Variants in TUSC3 observed in about 807,000 individuals in gnomAD.
TUSC3 encodes dolichyl-diphosphooligosaccharide--protein glycosyltransferase subunit TUSC3.
In TUSC3, 45 loss-of-function variants were observed where a neutral mutation model predicts 44.8. The observed-to-expected ratio is 1.00, with a 90% CI of 0.79 to 1.29. TUSC3 has a LOEUF of 1.29. Ranked by LOEUF, TUSC3 falls within the 50% of genes most tolerant of loss-of-function variation. The pLI, the probability that TUSC3 is intolerant of heterozygous loss-of-function variation, is 0.00. For missense variants in TUSC3, 519 were observed against 437.9 expected (o/e 1.19, Z -1.65); for synonymous variants, 212 against 152.9 (o/e 1.39, Z -2.85).
chr8:15,546,710 T>G lies in TUSC3; in HGVS notation c.138+6142T>G, dbSNP rs1166452730. On this transcript the variant is annotated intron_variant, in intron 1 of 10. Transcript: ENST00000503731. ...GCCACCATGCCTGGCTAATTTCGTA[T>G]TTTTAGTAGAGACAGGGTTTCTCCA... is the stretch of plus-strand genomic sequence containing the variant. Among the ~76,000 whole-genome samples the G allele has an allele frequency of 5.9e-5, 9 of 151,452 alleles. 1 individual carries two copies.
At chr8:15,772,603 A>G in the TUSC3 span, among the ~76,000 whole-genome samples, 18 of 152,196 alleles carry the variant, frequency 1.2e-4, no homozygotes, top group Non-Finnish European at 1.5e-5. Context: ...AATGAACACA[A>G]TCTTTCTCAA....
At chr8:15,799,639 T>C in the TUSC3 span, among the ~76,000 whole-genome samples, 28 of 152,188 alleles carry the variant, frequency 1.8e-4, no homozygotes, top group Admixed American at 1.8e-3. Flanking sequence ...TTACTACCTA[T>C]TCCCATGGAC....
chr8:15,518,050 G>A (rs909117097), intron 2 of TUSC3, among the ~76,000 whole-genome samples: 6 of 151,200 alleles, frequency 4.0e-5, no homozygotes, highest in Admixed American at 4.0e-4. Context: ...GCCAGCCTCC[G>A]GTAACCAACT....
At chr8:15,530,588 A>G (rs1801436567) in intron 2 of TUSC3, among the ~76,000 whole-genome samples, 2 of 152,226 alleles carry the variant, frequency 1.3e-5, no homozygotes, top group Admixed American at 1.3e-4. Flanking sequence ...TCCAGGGCTC[A>G]TGCTTCTAAA....
chr8:15,462,861 G>A (rs536870086), intron 1 of TUSC3, among the ~76,000 whole-genome samples: 2 of 152,058 alleles, frequency 1.3e-5, no homozygotes. Context: ...CTTGGCCAGA[G>A]AAGCCAAGGG....
intron 6 of TUSC3, among the ~76,000 whole-genome samples, chr8:15,727,971 C>T (rs534928169): frequency 1.7e-4 from 26 of 152,276 alleles, no homozygotes; most frequent in African/African-American, 6.3e-4. Context: ...TCTCTAAAGC[C>T]TTTCCTCTCT....
chr8:15,644,675 T>C (rs1806544403), intron 2 of TUSC3, among the ~76,000 whole-genome samples: 1 of 152,102 alleles, frequency 6.6e-6, no homozygotes, highest in Non-Finnish European at 1.5e-5. Context: ...ATAGGGTCTT[T>C]GTTATTGGGG....
intron 2 of TUSC3, among the ~76,000 whole-genome samples, chr8:15,498,937 C>G (rs536409597): frequency 3.3e-5 from 5 of 152,278 alleles, no homozygotes; most frequent in South Asian, 2.1e-4. Context: ...ATTGAATTCT[C>G]AACTGATACA....
Position 15,623,103 on chromosome 8 carries a change from G to A in TUSC3, c.162G>A (p.Glu54=). 1 of 1,613,732 alleles carries A rather than the reference G, an allele frequency of 6.2e-7. No homozygotes were observed. The highest frequency in any genetic ancestry group is 8.5e-7 in the Non-Finnish European group (1 of 1,179,838). The part of the protein sequence containing the change: ...KKENLLAEKV[E]QLMEWSSRRS... The stretch of plus-strand genomic sequence containing the variant: ...AGAATCTTTTAGCTGAAAAAGTAGA[G>A]CAGCTGATGGAATGGAGTTCCAGAC... The change falls in exon 2 of 11, where the codon GAG becomes GAA. Residue 54 remains glutamate, a synonymous_variant. Coordinates refer to ENST00000503731, the MANE Select transcript of TUSC3 (RefSeq NM_006765.4).
intron 2 of TUSC3, among the ~76,000 whole-genome samples, chr8:15,491,571 T>C (rs1226691523): frequency 1.3e-5 from 2 of 152,206 alleles, no homozygotes; most frequent in Non-Finnish European, 2.9e-5. Context: ...TCACTGAATT[T>C]TTATCTTTTT....
intron 10 of TUSC3, among the ~76,000 whole-genome samples, chr8:15,762,972 A>G (rs370231864): frequency 2.0e-5 from 3 of 152,040 alleles, no homozygotes; most frequent in East Asian, 3.8e-4. Flanking sequence ...AGTAGAGGCG[A>G]CGTCTCATTG....
Position 15,764,309 on chromosome 8 carries a change from G to T in TUSC3, c.*153G>T, listed in dbSNP as rs185876455. 2.5e-5 allele frequency: 34 copies of T among 1,373,694 alleles called. No individual in the cohort carries two copies. In the East Asian group the frequency reaches 7.7e-4, roughly 31 times the overall value. The allele number at this position is 1,373,694 out of a possible 1,614,324, so 85.1% of individuals were successfully genotyped here. A position where few individuals can be genotyped will look rare whatever the true frequency, so the allele number is the denominator to read the frequency against. Reference sequence around the variant, plus strand: ...ATTTTGAATTCATTCATTTCATTGTGATCAGCTAGCTTATTCTTGTGTACT... The same window carrying T: ...ATTTTGAATTCATTCATTTCATTGTTATCAGCTAGCTTATTCTTGTGTACT... On this transcript the variant is annotated 3_prime_UTR_variant, in exon 11 of 11. Coordinates refer to ENST00000503731, the MANE Select transcript of TUSC3 (RefSeq NM_006765.4).
intron 2 of TUSC3, among the ~76,000 whole-genome samples, chr8:15,491,341 G>A (rs1455756350): frequency 1.3e-5 from 2 of 152,114 alleles, no homozygotes; most frequent in African/African-American, 4.8e-5. Flanking sequence ...ACGTGAGGGA[G>A]GTATGTAGCT....
At chr8:15,629,180 T>G (rs1805645455) in intron 2 of TUSC3, among the ~76,000 whole-genome samples, 1 of 152,134 alleles carries the variant, frequency 6.6e-6, no homozygotes, top group South Asian at 2.1e-4. Context: ...GATGTTGATA[T>G]TAGGATGGTA....
At chr8:15,540,136 C>A, upstream of TUSC3, 1 of 381,568 alleles carries the variant, frequency 2.6e-6, no homozygotes, top group Non-Finnish European at 4.7e-6. Flanking sequence ...AGCGCTGGTC[C>A]GGGAAAGGCA....
chr8:15,762,422 A>T (rs973298940), intron 10 of TUSC3, among the ~76,000 whole-genome samples: 3 of 152,120 alleles, frequency 2.0e-5, no homozygotes, highest in Non-Finnish European at 4.4e-5. Flanking sequence ...ATAACTAAAG[A>T]TAACATTAAT....
intron 1 of TUSC3, among the ~76,000 whole-genome samples, chr8:15,432,201 C>G (rs1374933469): frequency 6.6e-6 from 1 of 152,042 alleles, no homozygotes; most frequent in African/African-American, 2.4e-5. Context: ...TCTTCTATAA[C>G]TGTTTGGTAG....
chr8:15,624,449 G>C (rs190848963), intron 2 of TUSC3, among the ~76,000 whole-genome samples: 3 of 152,146 alleles, frequency 2.0e-5, no homozygotes, highest in African/African-American at 4.8e-5. Flanking sequence ...GTGTTTAGTT[G>C]CTGCTTATCC....
intron 1 of TUSC3, among the ~76,000 whole-genome samples, chr8:15,554,286 C>A (rs1802161543): frequency 6.6e-6 from 1 of 151,788 alleles, no homozygotes; most frequent in Non-Finnish European, 1.5e-5. Flanking sequence ...CTCAGCATGG[C>A]CACATGACTA....
Sources: gnomAD v4.1 joint callset for allele counts (sites outside exome capture counted in the v4.1 genomes callset) on GRCh38, gnomAD v4.1.1 for gene constraint, MANE v1.5 for transcripts, NCBI Gene and HGNC (gene_info 2026-07-23, HGNC 2026-07-21) for gene names.